PLEKHA6: variants seen among roughly 807,000 people sequenced by gnomAD.
The protein encoded by PLEKHA6 is pleckstrin homology domain-containing family A member 6.
Under a neutral mutation model 116.7 loss-of-function variants are expected in PLEKHA6, and 60 were observed. The ratio of observed to expected loss-of-function variants is 0.51; its 90% confidence interval spans 0.42 to 0.64. The LOEUF (loss-of-function observed/expected upper bound fraction) is 0.64. Ranked by LOEUF, PLEKHA6 falls within the 30% of genes least tolerant of loss-of-function variation. The pLI, the probability that PLEKHA6 is intolerant of heterozygous loss-of-function variation, is 0.00. For synonymous variants in PLEKHA6, 489 were observed against 556.1 expected, an observed-to-expected ratio of 0.88 and a Z score of 1.70; for missense variants, 1,338 against 1,422.7, an observed-to-expected ratio of 0.94 and a Z score of 0.96.
intron 1 of PLEKHA6, among the ~76,000 whole-genome samples, chr1:204,353,975 C>T (rs1260529560): frequency 2.0e-5 from 3 of 152,212 alleles, no homozygotes; most frequent in African/African-American, 7.2e-5. Context: ...CCCACTGCTG[C>T]TCATGTGGTC....
chr1:204,258,254 C>T (rs1325612517), intron 8 of PLEKHA6, among the ~76,000 whole-genome samples: 2 of 152,142 alleles, frequency 1.3e-5, no homozygotes, highest in Non-Finnish European at 2.9e-5. Flanking sequence ...AAAGAAAGGG[C>T]GGCTTCCTGA....
Position 204,357,552 on chromosome 1 carries a change from G to A in PLEKHA6, c.-95+2142C>T, listed in dbSNP as rs188884547. 1.6e-3 allele frequency among the ~76,000 whole-genome samples: 244 copies of A among 152,236 alleles called. 1 individual carries two copies. Among genetic ancestry groups the A allele is most frequent in the South Asian group, 0.013 (62 of 4,822 alleles). On this transcript the variant is annotated intron_variant, in intron 1 of 22. Coordinates refer to ENST00000272203, the MANE Select transcript of PLEKHA6 (RefSeq NM_014935.5). ...CATTAAGCCCTGGCTTCCTGAGCCC[G>A]TTCGCCTCACCCCAGAGCTCAGGGG...
In PLEKHA6 at chr1:204,259,518, C is replaced by T. The variant is rs148754693; in HGVS notation, c.747G>A (p.Pro249=). ...TTGGGCCCTCGGGGTAAGGGCTGCCCGGCTCTGAGGCTGGCTCCGGTCCAG... is the reference window on the plus strand; with the variant it reads ...TTGGGCCCTCGGGGTAAGGGCTGCCTGGCTCTGAGGCTGGCTCCGGTCCAG... The part of the protein sequence containing the change: ...LPAGPEPASE[P]GSPYPEGPRV... The change falls in exon 8 of 23, where the codon CCG becomes CCA. Residue 249 remains proline (P), a synonymous_variant. Transcript: ENST00000272203. The surrounding 1 kb of genome is among the most constrained non-coding windows in gnomAD (Gnocchi z 4.6). 1.1e-4 allele frequency: 183 copies of T among 1,613,980 alleles called. 2 individuals are homozygous for T. In the Middle Eastern group the frequency reaches 1.3e-3, roughly 12 times the overall value.
Position 204,259,610 on chromosome 1 carries a change from C to T in PLEKHA6, c.655G>A (p.Ala219Thr), listed in dbSNP as rs917688091. 3 of 1,614,028 alleles carry T rather than the reference C, an allele frequency of 1.9e-6. No individual in the cohort carries two copies. Among genetic ancestry groups the T allele is most frequent in the Admixed American group, 1.7e-5 (1 of 60,014 alleles). ...GEGDGRGCEK[A>T]ERRPERPEVK... ...TCTGGCCTCTCAGGCCTTCTCTCTG[C>T]CTTCTCACAGCCTCGGCCATCACCC... The change falls in exon 8 of 23, where the codon GCA (alanine) becomes ACA (threonine). Residue 219 changes from alanine to threonine, a missense_variant. Coordinates refer to ENST00000272203, the MANE Select transcript of PLEKHA6 (RefSeq NM_014935.5). The surrounding 1 kb of genome is among the most constrained non-coding windows in gnomAD (Gnocchi z 4.6).
chr1:204,228,062 G>T lies in PLEKHA6; in HGVS notation c.3031+21C>A, dbSNP rs1229803723. The T allele has an allele frequency of 5.6e-6, 9 of 1,608,150 alleles. No individual in the cohort carries two copies. The highest frequency in any genetic ancestry group is 1.1e-5 in the South Asian group (1 of 90,694). ...CAGCTGGTTTCCCTGGCAGGGTGGA[G>T]CGAGGCCCAGCCCCTCTCACCAGAC... is the stretch of plus-strand genomic sequence containing the variant. On this transcript the variant is annotated intron_variant, in intron 21 of 22. Transcript: ENST00000272203. The surrounding 1 kb of genome is among the most constrained non-coding windows in gnomAD (Gnocchi z 4.0).
In PLEKHA6 at chr1:204,223,179, GT is replaced by G. The variant is rs1327647586; in HGVS notation, c.*8+282del. Reference sequence around the variant, plus strand: ...AAGAGCCTTCCCTGAGAGCAGACAGGTGAGGTCTCGGCTCCATTCCCTGCCT... The same window carrying G: ...AAGAGCCTTCCCTGAGAGCAGACAGGGAGGTCTCGGCTCCATTCCCTGCCT... On this transcript the variant is annotated intron_variant, in intron 22 of 22. Transcript: ENST00000272203. This position sits in a 1 kb window ranked among gnomAD's most constrained non-coding sequence, Gnocchi z 4.8. 5.9e-5 allele frequency among the ~76,000 whole-genome samples: 9 copies of G among 152,130 alleles called. No individual in the cohort carries two copies. The highest frequency in any genetic ancestry group is 5.9e-4 in the Admixed American group (9 of 15,278).
At chr1:204,256,661 G>A (rs1177195415) in intron 9 of PLEKHA6, 5 of 425,598 alleles carry the variant, frequency 1.2e-5, no homozygotes, top group African/African-American at 2.0e-5. Flanking sequence ...GGAGGGAGGA[G>A]GTATCCAGAG....
chr1:204,240,575 T>C (rs774631764), intron 17 of PLEKHA6, among the ~76,000 whole-genome samples: 8 of 152,246 alleles, frequency 5.3e-5, no homozygotes, highest in Non-Finnish European at 1.0e-4. Flanking sequence ...ATTGAAGTAT[T>C]GTTAACTTTA....
chr1:204,346,949 T>C lies in PLEKHA6; in HGVS notation c.-95+12745A>G. ...TTTTCCTTCACACGTTTCAGGAAGCTATCTCGGCTCTTAGAGTGCTTAATG... is the reference window on the plus strand; with the variant it reads ...TTTTCCTTCACACGTTTCAGGAAGCCATCTCGGCTCTTAGAGTGCTTAATG... On this transcript the variant is annotated intron_variant, in intron 1 of 22. Coordinates refer to ENST00000272203, the MANE Select transcript of PLEKHA6 (RefSeq NM_014935.5). 3.4e-6 allele frequency: 4 copies of C among 1,179,506 alleles called. No individual in the cohort carries two copies. The South Asian group carries it at 4.9e-5, about 14-fold the overall frequency. The allele number at this position is 1,179,506 out of a possible 1,614,324, so 73.1% of individuals were successfully genotyped here. A position where few individuals can be genotyped will look rare whatever the true frequency, so the allele number is the denominator to read the frequency against.
At chr1:204,343,462 C>G (rs1422143615) in intron 1 of PLEKHA6, among the ~76,000 whole-genome samples, 1 of 152,156 alleles carries the variant, frequency 6.6e-6, no homozygotes, top group Non-Finnish European at 1.5e-5. Context: ...CGGGGTCACA[C>G]AGCTGGTGAG....
chr1:204,241,003 C>A (rs1662729473), intron 17 of PLEKHA6, among the ~76,000 whole-genome samples: 1 of 152,184 alleles, frequency 6.6e-6, no homozygotes, highest in African/African-American at 2.4e-5. Flanking sequence ...ACATCGGACT[C>A]CAAGTTCTTC....
In PLEKHA6 at chr1:204,223,443, A is replaced by G; in HGVS notation, c.*8+19T>C. On this transcript the variant is annotated intron_variant, in intron 22 of 22. Coordinates refer to ENST00000272203, the MANE Select transcript of PLEKHA6 (RefSeq NM_014935.5). The surrounding 1 kb of genome is among the most constrained non-coding windows in gnomAD (Gnocchi z 4.8). ...GCCCCACTCCCGAGGTGGATGAAAT[A>G]CAGTAGAAAAGTGCTTACGTCAGAG... 1 of 1,333,730 alleles carries G rather than the reference A, an allele frequency of 7.5e-7. No individual in the cohort carries two copies. The highest frequency in any genetic ancestry group is 1.1e-6 in the Non-Finnish European group (1 of 947,720). 82.6% of individuals were successfully genotyped at this position (1,333,730 alleles called of 1,614,324 possible). A position where few individuals can be genotyped will look rare whatever the true frequency, so the allele number is the denominator to read the frequency against.
Position 204,244,925 on chromosome 1 carries a change from A to C in PLEKHA6, c.2111T>G (p.Leu704Arg). The change falls in exon 15 of 23, where the codon CTG (leucine) becomes CGG (arginine). Residue 704 changes from leucine (L) to arginine (R), a missense_variant. This residue lies in a region of PLEKHA6 where 1,136 missense variants were observed against 1,163.6 expected (regional missense o/e 0.98). Coordinates refer to ENST00000272203, the MANE Select transcript of PLEKHA6 (RefSeq NM_014935.5). ...GCCCGACACCAGTGAAAAGGGGCTC[A>C]GGGGGCTGGTGAGGCTGGCAGAGCT... The part of the protein sequence containing the change: ...PLSSASLTSP[L>R]SPFSLVSGSQ... 1.3e-6 allele frequency: 2 copies of C among 1,527,250 alleles called. No individual in the cohort carries two copies. The highest frequency in any genetic ancestry group is 1.8e-6 in the Non-Finnish European group (2 of 1,134,282). The allele number at this position is 1,527,250 out of a possible 1,614,324, so 94.6% of individuals were successfully genotyped here. A position where few individuals can be genotyped will look rare whatever the true frequency, so the allele number is the denominator to read the frequency against.
intron 1 of PLEKHA6, among the ~76,000 whole-genome samples, chr1:204,373,179 C>T (rs1243550984): frequency 6.7e-6 from 1 of 148,798 alleles, no homozygotes; most frequent in Non-Finnish European, 1.5e-5. Context: ...GAAATCTCTG[C>T]CTGGGTTCAA....
chr1:204,328,884 A>C (rs182091040), intron 1 of PLEKHA6, among the ~76,000 whole-genome samples: 1 of 152,336 alleles, frequency 6.6e-6, no homozygotes, highest in East Asian at 1.9e-4. Flanking sequence ...TAACAACCTT[A>C]TAAGGCTGGA....
At chr1:204,253,833 CAAAAAAA>C (rs5780222) in intron 9 of PLEKHA6, among the ~76,000 whole-genome samples, 1 of 131,942 alleles carries the variant, frequency 7.6e-6, no homozygotes, top group Non-Finnish European at 1.6e-5. Flanking sequence ...GATCTTGTCT[CAAAAAAA>C]AAAAAAAAAA....
At chr1:204,295,483 C>T (rs1292514518) in intron 1 of PLEKHA6, among the ~76,000 whole-genome samples, 2 of 131,966 alleles carry the variant, frequency 1.5e-5, no homozygotes, top group African/African-American at 5.5e-5. Flanking sequence ...GAGGGAGATG[C>T]CATCTCAAAA....
At chr1:204,311,110 T>C (rs1671641995) in intron 1 of PLEKHA6, among the ~76,000 whole-genome samples, 3 of 152,208 alleles carry the variant, frequency 2.0e-5, no homozygotes, top group African/African-American at 4.8e-5. Flanking sequence ...GCAACCACTA[T>C]GAAAGATGGT....
At position 204,261,577 on chromosome 1, in the gene PLEKHA6, C is replaced by T; in HGVS notation, c.382-129G>A. 2 of 1,051,894 alleles carry T rather than the reference C, an allele frequency of 1.9e-6. No homozygotes were observed. Among genetic ancestry groups the T allele is most frequent in the Admixed American group, 5.6e-5 (2 of 35,900 alleles). The allele number at this position is 1,051,894 out of a possible 1,614,324, so 65.2% of individuals were successfully genotyped here. A position where few individuals can be genotyped will look rare whatever the true frequency, so the allele number is the denominator to read the frequency against. On this transcript the variant is annotated intron_variant, in intron 6 of 22. Coordinates refer to ENST00000272203, the MANE Select transcript of PLEKHA6 (RefSeq NM_014935.5). The surrounding 1 kb of genome is among the most constrained non-coding windows in gnomAD (Gnocchi z 4.0). ...TGGGCCATTCCCTGCACCTGGGGCT[C>T]TTCCCCATGCGGAGCTCAGGAGCAA...
Sources: allele counts gnomAD v4.1 joint callset (sites outside exome capture counted in the v4.1 genomes callset), GRCh38; gene constraint gnomAD v4.1.1; regional missense constraint gnomAD v4.1.1; non-coding constraint Gnocchi (gnomAD v3.1); transcripts MANE v1.5; gene names NCBI Gene and HGNC (gene_info 2026-07-23, HGNC 2026-07-21).